The following PCDH11Y variants were observed in gnomAD, a reference collection of about 807,000 sequenced individuals.
PCDH11Y encodes protocadherin-11 Y-linked.
For missense variants in PCDH11Y, 12 were observed against 224.8 expected (o/e 0.05, Z 6.05); for synonymous variants, 9 against 83.6 (o/e 0.11, Z 4.87).
intron 4 of PCDH11Y, among the ~76,000 whole-genome samples, chrY:5,628,830 CAT>C (rs2053509839): frequency 3.0e-5 from 1 of 33,209 alleles, no homozygotes. Flanking sequence ...GGCAACATGA[CAT>C]ATGTGGGGAA....
intron 2 of PCDH11Y, among the ~76,000 whole-genome samples, chrY:5,444,269 TA>T (rs1213136893): frequency 7.1e-4 from 20 of 28,190 alleles, no homozygotes; most frequent in East Asian, 6.4e-3. Flanking sequence ...AATTAAAAAT[TA>T]AAAAAAAAAA....
At chrY:5,405,433 C>A (rs2053237785) in intron 2 of PCDH11Y, among the ~76,000 whole-genome samples, 1 of 30,534 alleles carries the variant, frequency 3.3e-5, no homozygotes, top group African/African-American at 1.3e-4. Flanking sequence ...ATGATCCTCC[C>A]ACTTGGGCCT....
At chrY:5,108,014 G>A (rs1602868652), downstream of PCDH11Y, among the ~76,000 whole-genome samples, 32 of 26,473 alleles carry the variant, frequency 1.2e-3, no homozygotes, top group Admixed American at 1.1e-3. Context: ...AGCCGAGATC[G>A]CGCCACTGCA....
At chrY:5,731,890 A>G in intron 4 of PCDH11Y, among the ~76,000 whole-genome samples, 2 of 32,168 alleles carry the variant, frequency 6.2e-5, no homozygotes, top group African/African-American at 1.2e-4. Flanking sequence ...ACACTTAACC[A>G]TTATGTAATA....
At chrY:5,304,707 A>G in intron 2 of PCDH11Y, among the ~76,000 whole-genome samples, 2 of 32,679 alleles carry the variant, frequency 6.1e-5, no homozygotes, top group Non-Finnish European at 1.5e-4. Flanking sequence ...CTGAGGATAT[A>G]ACAGGACCAA....
chrY:5,592,003 A>G (rs2053462845), intron 4 of PCDH11Y, among the ~76,000 whole-genome samples: 1 of 33,055 alleles, frequency 3.0e-5, no homozygotes, highest in East Asian at 8.2e-4. Flanking sequence ...AGAATAATGT[A>G]CATTCTGTGG....
intron 3 of PCDH11Y, among the ~76,000 whole-genome samples, chrY:5,544,215 A>T: frequency 3.0e-5 from 1 of 32,884 alleles, no homozygotes; most frequent in Non-Finnish European, 7.6e-5. Context: ...AGCTTACCTC[A>T]ACTTTACTAT....
At chrY:5,244,426 G>C (rs1602892593) in intron 2 of PCDH11Y, among the ~76,000 whole-genome samples, 2 of 33,084 alleles carry the variant, frequency 6.0e-5, no homozygotes, top group African/African-American at 2.4e-4. Flanking sequence ...GGCAAGTGAG[G>C]TATCCAGGTT....
chrY:5,468,758 A>C (rs2124684461), intron 2 of PCDH11Y, among the ~76,000 whole-genome samples: 11 of 32,888 alleles, frequency 3.3e-4, no homozygotes, highest in African/African-American at 1.3e-3. Flanking sequence ...CATTATAATA[A>C]AGCAGATGAA....
chrY:5,426,950 A>G, intron 2 of PCDH11Y, among the ~76,000 whole-genome samples: 1 of 33,436 alleles, frequency 3.0e-5, no homozygotes, highest in Non-Finnish European at 7.5e-5. Flanking sequence ...ATTTATATTC[A>G]AGTGAATGCT....
chrY:5,287,187 C>T (rs2053061301), intron 2 of PCDH11Y, among the ~76,000 whole-genome samples: 1 of 33,635 alleles, frequency 3.0e-5, no homozygotes, highest in East Asian at 7.9e-4. Context: ...CATCACTGGT[C>T]ATTAGAGAAA....
At chrY:5,318,447 G>A (rs2053109249) in intron 2 of PCDH11Y, among the ~76,000 whole-genome samples, 1 of 32,709 alleles carries the variant, frequency 3.1e-5, no homozygotes, top group Admixed American at 2.9e-4. Context: ...AAAGTGATAC[G>A]CAAGAGATGA....
At chrY:5,357,811 A>G (rs2124671352) in intron 2 of PCDH11Y, among the ~76,000 whole-genome samples, 12 of 33,990 alleles carry the variant, frequency 3.5e-4, no homozygotes, top group African/African-American at 1.4e-3. Context: ...ATATTTTGCT[A>G]TTATCAAGTC....
chrY:5,621,958 A>G, intron 4 of PCDH11Y, among the ~76,000 whole-genome samples: 1 of 33,250 alleles, frequency 3.0e-5, no homozygotes, highest in Non-Finnish European at 7.4e-5. Context: ...AGGCAATACC[A>G]TTCAGGGCAT....
At chrY:5,556,225 C>G in intron 3 of PCDH11Y, among the ~76,000 whole-genome samples, 1 of 27,984 alleles carries the variant, frequency 3.6e-5, no homozygotes, top group African/African-American at 1.4e-4. Context: ...TGTTTTTTGT[C>G]TTTTTCATAA....
intron 2 of PCDH11Y, among the ~76,000 whole-genome samples, chrY:5,189,809 G>T: frequency 3.0e-5 from 1 of 33,510 alleles, no homozygotes; most frequent in South Asian, 6.6e-4. Flanking sequence ...GGAAAGTTAC[G>T]ACAATCCTTT....
chrY:5,181,485 G>A (rs2052900072), intron 2 of PCDH11Y, among the ~76,000 whole-genome samples: 1 of 30,229 alleles, frequency 3.3e-5, no homozygotes, highest in South Asian at 7.7e-4. Flanking sequence ...GGTTGGAGAA[G>A]TTCTCCTGCA....
chrY:5,435,476 G>C, intron 2 of PCDH11Y, among the ~76,000 whole-genome samples: 1 of 30,844 alleles, frequency 3.2e-5, no homozygotes, highest in Non-Finnish European at 7.8e-5. Flanking sequence ...ACCATGCCCA[G>C]CTAATTTTTT....
intron 3 of PCDH11Y, among the ~76,000 whole-genome samples, chrY:5,542,304 C>T (rs2124693099): frequency 3.0e-5 from 1 of 33,030 alleles, no homozygotes; most frequent in South Asian, 6.6e-4. Flanking sequence ...AGTGGCTTTC[C>T]CCTTCTACCT....
Sources: gnomAD v4.1 joint callset for allele counts (sites outside exome capture counted in the v4.1 genomes callset) on GRCh38, gnomAD v4.1.1 for gene constraint, MANE v1.5 for transcripts, NCBI Gene and HGNC (gene_info 2026-07-23, HGNC 2026-07-21) for gene names.